NXPE2: variants seen among roughly 807,000 people sequenced by gnomAD.
NXPE2 encodes neurexophilin and PC-esterase domain family member 2.
NXPE2 carries 34 observed loss-of-function variants against 34.4 expected under a neutral mutation model. The ratio of observed to expected loss-of-function variants is 0.99; its 90% CI spans 0.75 to 1.31. The LOEUF is 1.31. Among genes scored for constraint, NXPE2 ranks in the 40% most tolerant of loss-of-function variants. The probability of loss-of-function intolerance (pLI) is 0.00; values close to 1 mark genes in which losing one functional copy is unlikely to be tolerated. For synonymous variants in NXPE2, 235 were observed against 231.3 expected (o/e 1.02, Z -0.15); for missense variants, 649 against 672.5 (o/e 0.97, Z 0.39).
At chr11:114,642,743 T>G in the NXPE2 span, among the ~76,000 whole-genome samples, 2 of 152,108 alleles carry the variant, frequency 1.3e-5, no homozygotes, top group Non-Finnish European at 2.9e-5. Context: ...TGTGTCTTTA[T>G]AGTAGAATGG....
At chr11:114,647,547 A>G in the NXPE2 span, among the ~76,000 whole-genome samples, 1 of 151,866 alleles carries the variant, frequency 6.6e-6, no homozygotes, top group African/African-American at 2.4e-5. Flanking sequence ...GGTATTCTCT[A>G]TTTTTTGGAA....
the NXPE2 span, among the ~76,000 whole-genome samples, chr11:114,573,405 G>A: frequency 0.21 from 31,189 of 151,874 alleles, 4,209 homozygotes; most frequent in African/African-American, 0.37. Context: ...TACTTAAAAC[G>A]TACAGAATGG....
the NXPE2 span, among the ~76,000 whole-genome samples, chr11:114,764,440 AAG>A: frequency 1.6e-5 from 2 of 126,732 alleles, no homozygotes; most frequent in Admixed American, 8.0e-5. Context: ...AAAAAAAAAA[AAG>A]GAAAGAGAGG....
the NXPE2 span, among the ~76,000 whole-genome samples, chr11:114,567,756 GA>G: frequency 2.0e-5 from 3 of 151,310 alleles, no homozygotes; most frequent in East Asian, 3.9e-4. Flanking sequence ...ACCCTCTCTT[GA>G]AAAAAATACC....
chr11:114,741,921 A>T, the NXPE2 span, among the ~76,000 whole-genome samples: 4 of 152,210 alleles, frequency 2.6e-5, no homozygotes, highest in South Asian at 2.1e-4. Context: ...TTGCAGAAGC[A>T]GTCACCTCCT....
the NXPE2 span, among the ~76,000 whole-genome samples, chr11:114,662,383 G>C: frequency 6.6e-6 from 1 of 152,178 alleles, no homozygotes; most frequent in Non-Finnish European, 1.5e-5. Context: ...CATCCGGGTT[G>C]TTGGAACTTG....
chr11:114,714,894 C>T, the NXPE2 span, among the ~76,000 whole-genome samples: 7 of 152,040 alleles, frequency 4.6e-5, no homozygotes, highest in African/African-American at 1.2e-4. Flanking sequence ...TGGTGGCACA[C>T]GCCTGTAATC....
chr11:114,535,787 C>T, the NXPE2 span, among the ~76,000 whole-genome samples: 1 of 152,202 alleles, frequency 6.6e-6, no homozygotes, highest in East Asian at 1.9e-4. Context: ...TAAAGCAAGT[C>T]CTTAGTGACC....
downstream of NXPE2, chr11:114,707,492 T>G: frequency 2.8e-6 from 1 of 355,274 alleles, no homozygotes; most frequent in Non-Finnish European, 5.7e-6. Context: ...CCTCCCGGGT[T>G]CAAGCGATTC....
chr11:114,594,724 C>T, the NXPE2 span: 1 of 1,595,460 alleles, frequency 6.3e-7, no homozygotes, highest in Non-Finnish European at 8.6e-7. Context: ...ACAACAGTGC[C>T]AATAGTGACT....
At chr11:114,639,620 C>G in the NXPE2 span, among the ~76,000 whole-genome samples, 9 of 147,356 alleles carry the variant, frequency 6.1e-5, no homozygotes, top group African/African-American at 2.0e-4. Flanking sequence ...GCTGCCCCAC[C>G]TATGTAACAT....
chr11:114,617,665 C>A, the NXPE2 span, among the ~76,000 whole-genome samples: 1 of 152,086 alleles, frequency 6.6e-6, no homozygotes, highest in African/African-American at 2.4e-5. Flanking sequence ...CTAGGGTAAC[C>A]ACTGTTACCC....
chr11:114,680,522 T>C (rs190484986), intron 2 of NXPE2, among the ~76,000 whole-genome samples: 5 of 152,164 alleles, frequency 3.3e-5, no homozygotes, highest in Admixed American at 2.6e-4. Context: ...TCTATAAATA[T>C]GTGTTCTCTA....
chr11:114,807,871 C>G, the NXPE2 span, among the ~76,000 whole-genome samples: 9 of 152,142 alleles, frequency 5.9e-5, no homozygotes, highest in African/African-American at 1.9e-4. Context: ...CCTCTCCACC[C>G]CAAATCAACA....
chr11:114,659,564 C>T, the NXPE2 span, among the ~76,000 whole-genome samples: 1 of 151,740 alleles, frequency 6.6e-6, no homozygotes, highest in Non-Finnish European at 1.5e-5. Context: ...AAACAACATA[C>T]TTCTACATAA....
At chr11:114,746,923 T>C in the NXPE2 span, among the ~76,000 whole-genome samples, 1 of 151,488 alleles carries the variant, frequency 6.6e-6, no homozygotes, top group African/African-American at 2.4e-5. Context: ...ACCTTCCTTT[T>C]ACATGGCCCT....
the NXPE2 span, among the ~76,000 whole-genome samples, chr11:114,533,053 T>G: frequency 0.16 from 24,762 of 152,078 alleles, 2,235 homozygotes; most frequent in South Asian, 0.23. Context: ...TTAACTGAAT[T>G]AATGTTCAAC....
Position 114,705,848 on chromosome 11 carries a change from GA to G in NXPE2, c.1003del (p.Met335CysfsTer18), listed in dbSNP as rs1253362942. The G allele has an allele frequency of 6.5e-6, 10 of 1,541,434 alleles. No homozygotes were observed. The African/African-American group carries it at 9.7e-5, about 15-fold the overall frequency. ...KTPFPSGYTLKKMWITAFCKQ... is the reference protein window; with the variant it reads ...KTPFPSGYTLXKMWITAFCKQ... The stretch of plus-strand genomic sequence containing the variant: ...CTCCTTTCCCCAGTGGTTATACTTT[GA>G]AAAAAATGTGGATTACAGCATTTTG... On this transcript the variant is annotated frameshift_variant, in exon 5 of 6. Coordinates refer to ENST00000389586, the MANE Select transcript of NXPE2 (RefSeq NM_182495.6). LOFTEE classifies it high-confidence loss of function.
chr11:114,599,744 G>A, the NXPE2 span, among the ~76,000 whole-genome samples: 359 of 152,142 alleles, frequency 2.4e-3, 1 homozygote, highest in African/African-American at 8.2e-3. Context: ...AAGATCTTGT[G>A]AGAACTCACT....
Sources: allele counts gnomAD v4.1 joint callset (sites outside exome capture counted in the v4.1 genomes callset), GRCh38; gene constraint gnomAD v4.1.1; transcripts MANE v1.5; gene names NCBI Gene and HGNC (gene_info 2026-07-23, HGNC 2026-07-21).